The following HSPA12A variants were observed in gnomAD, a reference collection of about 807,000 sequenced individuals.
HSPA12A encodes heat shock 70 kDa protein 12A.
Under a neutral mutation model 69.2 loss-of-function variants are expected in HSPA12A, and 28 were observed. The observed-to-expected ratio is 0.40, with a 90% CI of 0.30 to 0.55. HSPA12A has a LOEUF of 0.55. Among genes scored for constraint, HSPA12A ranks in the 20% least tolerant of loss-of-function variants. The pLI is 0.38. For synonymous variants in HSPA12A, 345 were observed against 370.5 expected, an observed-to-expected ratio of 0.93 and a Z score of 0.79; for missense variants, 686 against 900.7, an observed-to-expected ratio of 0.76 and a Z score of 3.05.
upstream of HSPA12A, among the ~76,000 whole-genome samples, chr10:116,850,666 G>C (rs1490335032): frequency 6.6e-6 from 1 of 152,074 alleles, no homozygotes; most frequent in Non-Finnish European, 1.5e-5. Flanking sequence ...TTGATATAAA[G>C]GATGTTCCGC....
In HSPA12A at chr10:116,675,563, C is replaced by G; in HGVS notation, c.1391-145G>C. The G allele has an allele frequency of 1.3e-6, 1 of 793,692 alleles. No homozygotes were observed. The highest frequency in any genetic ancestry group is 2.0e-5 in the South Asian group (1 of 50,432). 49.2% of individuals were successfully genotyped at this position (793,692 alleles called of 1,614,324 possible). The stretch of plus-strand genomic sequence containing the variant: ...TTACTCTGAGCTCCTTGAACAGAAT[C>G]TTTGCAGAACTGGTCTTTTAAAGAA... On this transcript the variant is annotated intron_variant, in intron 11 of 11. Coordinates refer to ENST00000369209, the MANE Select transcript of HSPA12A (RefSeq NM_025015.3). The surrounding 1 kb of genome is among the most constrained non-coding windows in gnomAD (Gnocchi z 5.2).
At chr10:116,834,799 G>T in intron 2 of HSPA12A, 2 of 388,658 alleles carry the variant, frequency 5.1e-6, no homozygotes, top group Non-Finnish European at 4.3e-6. Flanking sequence ...GCAGTGGCTT[G>T]GCAAACATCT....
chr10:116,780,460 T>C (rs908726343), intron 2 of HSPA12A, among the ~76,000 whole-genome samples: 24 of 152,064 alleles, frequency 1.6e-4, no homozygotes, highest in African/African-American at 5.8e-4. Context: ...CGAGTGATCC[T>C]CCCACCTCAG....
At chr10:116,681,735 T>C (rs1554878632) in intron 8 of HSPA12A, 56 bp downstream of exon 8, 6 of 1,517,208 alleles carry the variant, frequency 4.0e-6, no homozygotes, top group Non-Finnish European at 5.5e-6. Flanking sequence ...GGGAATGGCT[T>C]TTCACGAGCA....
At chr10:116,795,257 G>A (rs572971843) in intron 2 of HSPA12A, among the ~76,000 whole-genome samples, 4 of 152,306 alleles carry the variant, frequency 2.6e-5, no homozygotes, top group African/African-American at 9.6e-5. Context: ...CAATAGTACA[G>A]AGGATGATTT....
At chr10:116,736,945 A>G (rs2133059107) in intron 1 of HSPA12A, among the ~76,000 whole-genome samples, 1 of 152,356 alleles carries the variant, frequency 6.6e-6, no homozygotes, top group Non-Finnish European at 1.5e-5. Flanking sequence ...GTAAGTTGGG[A>G]CATTTATTCA....
intron 2 of HSPA12A, among the ~76,000 whole-genome samples, chr10:116,795,443 C>T (rs918570189): frequency 1.3e-5 from 2 of 151,578 alleles, no homozygotes; most frequent in Non-Finnish European, 2.9e-5. Flanking sequence ...CTTTGGGAGG[C>T]CAAGGTGGGT....
intron 1 of HSPA12A, among the ~76,000 whole-genome samples, chr10:116,847,314 A>G (rs1845906731): frequency 6.6e-6 from 1 of 152,308 alleles, no homozygotes; most frequent in Admixed American, 6.5e-5. Context: ...CATGGTTGCC[A>G]TCAGTGTTTA....
chr10:116,827,591 C>T (rs904437755), intron 2 of HSPA12A: 5 of 152,356 alleles, frequency 3.3e-5, no homozygotes, highest in African/African-American at 1.2e-4. Flanking sequence ...ACTGGAGCCA[C>T]CAACTCACAA....
chr10:116,760,061 G>T (rs1843936072), intron 2 of HSPA12A, among the ~76,000 whole-genome samples: 4 of 152,086 alleles, frequency 2.6e-5, no homozygotes, highest in African/African-American at 9.7e-5. Context: ...TATGAAAACA[G>T]ACTAATACAG....
chr10:116,818,248 G>A (rs755258791), intron 2 of HSPA12A, among the ~76,000 whole-genome samples: 1 of 152,214 alleles, frequency 6.6e-6, no homozygotes, highest in Non-Finnish European at 1.5e-5. Flanking sequence ...AGGGACCTAC[G>A]AGCCTTGGTA....
At chr10:116,683,637 G>A (rs1849482786) in intron 7 of HSPA12A, 154 bp downstream of exon 7, 2 of 617,098 alleles carry the variant, frequency 3.2e-6, no homozygotes, top group Non-Finnish European at 4.9e-6. Context: ...CAGGTAGGGG[G>A]GCTGAGCAGA....
intron 1 of HSPA12A, among the ~76,000 whole-genome samples, chr10:116,724,107 C>G (rs1204619187): frequency 6.6e-6 from 1 of 152,162 alleles, no homozygotes; most frequent in Non-Finnish European, 1.5e-5. Context: ...TATCTTGCTT[C>G]CTGGCTGTTT....
chr10:116,848,489 T>TGG (rs1463740534), intron 1 of HSPA12A, among the ~76,000 whole-genome samples: 164 of 152,324 alleles, frequency 1.1e-3, no homozygotes, highest in African/African-American at 3.6e-3. Context: ...GATGATGTTT[T>TGG]CCAGAGGGGG....
intron 6 of HSPA12A, among the ~76,000 whole-genome samples, chr10:116,689,678 A>G (rs1341547457): frequency 1.3e-5 from 2 of 152,138 alleles, no homozygotes; most frequent in Admixed American, 1.3e-4. Flanking sequence ...GCAGTTATAG[A>G]GGCTGAGAAG....
At chr10:116,842,656 G>A (rs1048803450) in intron 1 of HSPA12A, among the ~76,000 whole-genome samples, 4 of 152,200 alleles carry the variant, frequency 2.6e-5, no homozygotes, top group Non-Finnish European at 4.4e-5. Flanking sequence ...TTGCTCTGTC[G>A]CCCGGGTGCA....
At chr10:116,740,861 G>C (rs1851478111) in intron 1 of HSPA12A, among the ~76,000 whole-genome samples, 1 of 149,376 alleles carries the variant, frequency 6.7e-6, no homozygotes, top group Non-Finnish European at 1.5e-5. Context: ...CCCAGCATGA[G>C]AGGCAAGAAA....
intron 2 of HSPA12A, among the ~76,000 whole-genome samples, chr10:116,790,198 G>A (rs1041896875): frequency 2.7e-5 from 4 of 148,550 alleles, no homozygotes; most frequent in African/African-American, 7.4e-5. Context: ...GCGCCCTGGG[G>A]GTTCACGCCA....
At chr10:116,711,614 T>C (rs1366813553) in intron 1 of HSPA12A, among the ~76,000 whole-genome samples, 5 of 151,168 alleles carry the variant, frequency 3.3e-5, no homozygotes, top group African/African-American at 1.2e-4. Context: ...ACAGAGAGAG[T>C]CAATGTTTTC....
Sources: allele counts gnomAD v4.1 joint callset (sites outside exome capture counted in the v4.1 genomes callset), GRCh38; gene constraint gnomAD v4.1.1; non-coding constraint Gnocchi (gnomAD v3.1); transcripts MANE v1.5; gene names NCBI Gene and HGNC (gene_info 2026-07-23, HGNC 2026-07-21).